MAGI2: variants seen among roughly 807,000 people sequenced by gnomAD.
The protein encoded by MAGI2 is membrane associated guanylate kinase, WW and PDZ domain containing 2, also known as membrane-associated guanylate kinase, WW and PDZ domain-containing protein 2.
In MAGI2, 35 loss-of-function variants were observed where a neutral mutation model predicts 133.3. The observed-to-expected ratio is 0.26, with a 90% CI of 0.20 to 0.35. The LOEUF (loss-of-function observed/expected upper bound fraction) is 0.35, where lower values mean the gene tolerates loss of function less well. MAGI2 is among the 10% of genes least tolerant of loss of function. The probability of loss-of-function intolerance (pLI) is 1.00; values close to 1 mark genes in which losing one functional copy is unlikely to be tolerated. For missense variants in MAGI2, 1,636 were observed against 1,863.4 expected, an observed-to-expected ratio of 0.88 and a Z score of 2.25; for synonymous variants, 729 against 710.6, an observed-to-expected ratio of 1.03 and a Z score of -0.41.
At chr7:78,961,014 ATCTT>A (rs1802792396) in intron 2 of MAGI2, among the ~76,000 whole-genome samples, 1 of 152,134 alleles carries the variant, frequency 6.6e-6, no homozygotes, top group Non-Finnish European at 1.5e-5. Context: ...TTCCCTTGCC[ATCTT>A]TCTAAATGTT....
At chr7:78,101,702 C>T (rs923366279) in intron 20 of MAGI2, among the ~76,000 whole-genome samples, 2 of 152,110 alleles carry the variant, frequency 1.3e-5, no homozygotes, top group Admixed American at 1.3e-4. Context: ...ATAAATGGGA[C>T]TGCATCAAAC....
chr7:79,406,500 A>G (rs1339887742), intron 1 of MAGI2, among the ~76,000 whole-genome samples: 2 of 152,136 alleles, frequency 1.3e-5, no homozygotes, highest in African/African-American at 4.8e-5. Flanking sequence ...ATTTGGTTGC[A>G]TTGTAAATTG....
chr7:79,166,280 G>A (rs1203214173), intron 1 of MAGI2, among the ~76,000 whole-genome samples: 1 of 151,988 alleles, frequency 6.6e-6, no homozygotes, highest in Non-Finnish European at 1.5e-5. Flanking sequence ...CATTGTATGA[G>A]ACCGACTTGA....
At chr7:79,339,366 T>G (rs901080883) in intron 1 of MAGI2, among the ~76,000 whole-genome samples, 1 of 152,134 alleles carries the variant, frequency 6.6e-6, no homozygotes, top group African/African-American at 2.4e-5. Context: ...TTAGGTAATA[T>G]ACTTTGACTC....
chr7:78,218,856 C>G (rs185568070), intron 10 of MAGI2, among the ~76,000 whole-genome samples: 3 of 152,162 alleles, frequency 2.0e-5, no homozygotes, highest in Non-Finnish European at 4.4e-5. Flanking sequence ...ATTAACAAGT[C>G]GAGAACCACA....
At chr7:79,124,473 G>C (rs1323258721) in intron 1 of MAGI2, among the ~76,000 whole-genome samples, 3 of 152,120 alleles carry the variant, frequency 2.0e-5, no homozygotes, top group African/African-American at 4.8e-5. Flanking sequence ...AGGAAAACAG[G>C]ACTTGAACTT....
At chr7:79,382,238 G>T (rs117289750) in intron 1 of MAGI2, among the ~76,000 whole-genome samples, 264 of 151,704 alleles carry the variant, frequency 1.7e-3, no homozygotes, top group Non-Finnish European at 3.1e-3. Flanking sequence ...GAAAAAAAGA[G>T]ATTTCTTTGA....
At chr7:78,532,218 G>C (rs1316096393) in intron 3 of MAGI2, among the ~76,000 whole-genome samples, 1 of 152,124 alleles carries the variant, frequency 6.6e-6, no homozygotes, top group Non-Finnish European at 1.5e-5. Flanking sequence ...AATTTTAAAG[G>C]ATGCAAGGAC....
intron 6 of MAGI2, among the ~76,000 whole-genome samples, chr7:78,415,892 G>C (rs1354207021): frequency 6.6e-6 from 1 of 152,014 alleles, no homozygotes; most frequent in Non-Finnish European, 1.5e-5. Context: ...TTTGCAGCTG[G>C]GACACAATCC....
chr7:79,087,605 A>T (rs918402579), intron 1 of MAGI2, among the ~76,000 whole-genome samples: 12 of 151,456 alleles, frequency 7.9e-5, no homozygotes, highest in Non-Finnish European at 1.0e-4. Flanking sequence ...AAAGTGGAAG[A>T]TTCTAGGAAT....
At chr7:78,292,912 A>T (rs1218036965) in intron 9 of MAGI2, among the ~76,000 whole-genome samples, 4 of 152,216 alleles carry the variant, frequency 2.6e-5, no homozygotes, top group African/African-American at 9.6e-5. Flanking sequence ...CCCCTTCCTT[A>T]CATCTTATAC....
chr7:78,318,513 T>C (rs1312749708), intron 9 of MAGI2, among the ~76,000 whole-genome samples: 1 of 152,100 alleles, frequency 6.6e-6, no homozygotes, highest in Non-Finnish European at 1.5e-5. Context: ...CTCAAAGTGA[T>C]GGGGAGAATG....
At chr7:79,004,056 A>C (rs970822949) in intron 2 of MAGI2, among the ~76,000 whole-genome samples, 10 of 152,180 alleles carry the variant, frequency 6.6e-5, no homozygotes, top group Admixed American at 6.6e-4. Context: ...TTCTCAAAAA[A>C]CTGAAATAGA....
intron 11 of MAGI2, 73 bp from the exon 12 acceptor site, chr7:78,195,136 T>TA (rs1828603614): frequency 1.5e-6 from 2 of 1,300,476 alleles, no homozygotes; most frequent in Non-Finnish European, 2.1e-6. Context: ...ACCTTTAGGT[T>TA]AACCTTTTTT....
chr7:78,862,683 T>C (rs1794248201), intron 2 of MAGI2, among the ~76,000 whole-genome samples: 1 of 152,186 alleles, frequency 6.6e-6, no homozygotes, highest in African/African-American at 2.4e-5. Flanking sequence ...CTTATAAACA[T>C]TGAAGAGTTA....
chr7:78,580,931 T>C (rs1422422471), intron 3 of MAGI2, among the ~76,000 whole-genome samples: 4 of 152,184 alleles, frequency 2.6e-5, no homozygotes, highest in African/African-American at 9.6e-5. Context: ...ACATCACAAA[T>C]GCAGATGACG....
intron 1 of MAGI2, among the ~76,000 whole-genome samples, chr7:79,395,894 A>G (rs760117557): frequency 1.3e-5 from 2 of 152,148 alleles, no homozygotes; most frequent in Non-Finnish European, 2.9e-5. Flanking sequence ...AACAAAGGAG[A>G]CCGTCTAAAA....
At chr7:78,071,618 A>G (rs1348592426) in intron 21 of MAGI2, among the ~76,000 whole-genome samples, 2 of 152,124 alleles carry the variant, frequency 1.3e-5, no homozygotes, top group Non-Finnish European at 2.9e-5. Context: ...TGGTTAGCGG[A>G]TTTCCTGGGG....
At chr7:78,144,193 A>G (rs1320694673) in intron 16 of MAGI2, among the ~76,000 whole-genome samples, 1 of 152,192 alleles carries the variant, frequency 6.6e-6, no homozygotes, top group Non-Finnish European at 1.5e-5. Context: ...CAAAATGGTT[A>G]TAATAAAAAA....
Sources: allele counts gnomAD v4.1 joint callset (sites outside exome capture counted in the v4.1 genomes callset), GRCh38; gene constraint gnomAD v4.1.1; transcripts MANE v1.5; gene names NCBI Gene and HGNC (gene_info 2026-07-23, HGNC 2026-07-21).